The following NFIB variants were observed in gnomAD, a reference collection of about 807,000 sequenced individuals.
NFIB encodes nuclear factor I B, also known as nuclear factor 1 B-type.
Under a neutral mutation model 61.5 loss-of-function variants are expected in NFIB, and 11 were observed. The ratio of observed to expected loss-of-function variants is 0.18; its 90% CI spans 0.11 to 0.30. NFIB has a LOEUF of 0.30. Ranked by LOEUF, NFIB falls within the 10% of genes least tolerant of loss-of-function variation. The pLI is 1.00. For missense variants in NFIB, 471 were observed against 608.9 expected (o/e 0.77, Z 2.38); for synonymous variants, 260 against 216.5 (o/e 1.20, Z -1.76).
chr9:14,329,407 C>A (rs2060794268), intron 1 of NFIB, among the ~76,000 whole-genome samples: 1 of 152,162 alleles, frequency 6.6e-6, no homozygotes, highest in Non-Finnish European at 1.5e-5. Context: ...CACTCATCAC[C>A]TTTTATGCTC....
chr9:14,500,514 C>G, the NFIB span, among the ~76,000 whole-genome samples: 4 of 152,124 alleles, frequency 2.6e-5, no homozygotes, highest in African/African-American at 9.7e-5. Context: ...TGGATCAGTT[C>G]CCTCTTTTAC....
rs1372638181 is a variant in NFIB, at chr9:14,087,585, T to C, written c.*724A>G. The C allele has an allele frequency of 4.4e-6, 1 of 226,814 alleles. No homozygotes were observed. The highest frequency in any genetic ancestry group is 6.3e-5 in the East Asian group (1 of 15,752). 14.1% of individuals were successfully genotyped at this position (226,814 alleles called of 1,614,324 possible). A position where few individuals can be genotyped will look rare whatever the true frequency, so the allele number is the denominator to read the frequency against. On this transcript the variant is annotated 3_prime_UTR_variant, in exon 11 of 11. Transcript: ENST00000380953. ...TTTCCTTTTTTCTTTTTTTCCTTTTTTTTTCATTTTTTCTTTTTTTAAGAT... is the reference window on the plus strand; with the variant it reads ...TTTCCTTTTTTCTTTTTTTCCTTTTCTTTTCATTTTTTCTTTTTTTAAGAT...
Position 14,172,930 on chromosome 9 carries a change from C to T in NFIB, c.616+6797G>A, listed in dbSNP as rs186849880. On this transcript the variant is annotated intron_variant, in intron 3 of 10. Coordinates refer to ENST00000380953, the MANE Select transcript of NFIB (RefSeq NM_001190737.2). ...GACTACAGGCAAGTGCCACCACACC[C>T]GGCTAATTTTTGTATTTTTAGTAGA... Among the ~76,000 whole-genome samples the T allele has an allele frequency of 2.1e-3, 326 of 152,184 alleles. 4 individuals carry two copies. Among genetic ancestry groups the T allele is most frequent in the African/African-American group, 7.5e-3 (311 of 41,522 alleles).
At chr9:14,417,492 A>C in the NFIB span, among the ~76,000 whole-genome samples, 2 of 152,218 alleles carry the variant, frequency 1.3e-5, no homozygotes. Context: ...TTAAAAAATA[A>C]ACTGGACACC....
At chr9:14,524,349 C>T in the NFIB span, among the ~76,000 whole-genome samples, 1 of 152,084 alleles carries the variant, frequency 6.6e-6, no homozygotes, top group Non-Finnish European at 1.5e-5. Flanking sequence ...CAAACAGTTG[C>T]TGGTAATATT....
intron 1 of NFIB, among the ~76,000 whole-genome samples, chr9:14,372,621 A>G (rs2061370727): frequency 6.6e-6 from 1 of 152,088 alleles, no homozygotes; most frequent in African/African-American, 2.4e-5. Context: ...ACACTGACCC[A>G]TCTTGGCTCA....
chr9:14,295,734 C>T (rs1431201247), intron 2 of NFIB, among the ~76,000 whole-genome samples: 2 of 151,902 alleles, frequency 1.3e-5, no homozygotes, highest in Non-Finnish European at 2.9e-5. Flanking sequence ...TGTAGTTCTC[C>T]CAAATGGTGG....
chr9:14,119,372 C>G (rs956871914), intron 8 of NFIB, among the ~76,000 whole-genome samples: 1 of 152,142 alleles, frequency 6.6e-6, no homozygotes, highest in African/African-American at 2.4e-5. Flanking sequence ...ATATCTCAGT[C>G]AGTCAAACTA....
At chr9:14,138,400 T>C (rs1006038592) in intron 6 of NFIB, among the ~76,000 whole-genome samples, 1 of 151,996 alleles carries the variant, frequency 6.6e-6, no homozygotes, top group Non-Finnish European at 1.5e-5. Context: ...AAGGTGAAAA[T>C]ACAAATATAA....
At chr9:14,399,573 A>T (rs1346507226), upstream of NFIB, among the ~76,000 whole-genome samples, 2 of 152,208 alleles carry the variant, frequency 1.3e-5, no homozygotes, top group East Asian at 3.9e-4. Flanking sequence ...AACGTTGCAA[A>T]GAATTATAAA....
chr9:14,510,187 TG>T, the NFIB span, among the ~76,000 whole-genome samples: 3 of 152,340 alleles, frequency 2.0e-5, no homozygotes, highest in African/African-American at 7.2e-5. Flanking sequence ...TGAGCCACCG[TG>T]CCCGGCCTTG....
At chr9:14,239,141 A>C (rs2054101301) in intron 2 of NFIB, among the ~76,000 whole-genome samples, 1 of 152,246 alleles carries the variant, frequency 6.6e-6, no homozygotes, top group African/African-American at 2.4e-5. Flanking sequence ...CCTAAAGAAC[A>C]AATTGATTCT....
At chr9:14,338,717 CTTCTT>C (rs1258261549) in intron 1 of NFIB, among the ~76,000 whole-genome samples, 2 of 151,952 alleles carry the variant, frequency 1.3e-5, no homozygotes, top group African/African-American at 4.8e-5. Flanking sequence ...CTCTTCTTTT[CTTCTT>C]TTCTTCCTTC....
Position 14,128,688 on chromosome 9 carries a change from T to A in NFIB, c.926-2922A>T, listed in dbSNP as rs1335795220. Among the ~76,000 whole-genome samples, 3 of 133,452 alleles carry A rather than the reference T, an allele frequency of 2.2e-5. No individual in the cohort carries two copies. In the Admixed American group the frequency reaches 2.3e-4, roughly 10 times the overall value. 87.5% of individuals were successfully genotyped at this position (133,452 alleles called of 152,430 possible). Reference sequence around the variant, plus strand: ...ACTCCAGCCGCGACAAGAACAAAACTCTGTCTCAAAAAAAAAAAAAAAAAA... The same window carrying A: ...ACTCCAGCCGCGACAAGAACAAAACACTGTCTCAAAAAAAAAAAAAAAAAA... On this transcript the variant is annotated intron_variant, in intron 6 of 10. Coordinates refer to ENST00000380953, the MANE Select transcript of NFIB (RefSeq NM_001190737.2).
intron 10 of NFIB, among the ~76,000 whole-genome samples, chr9:14,103,924 CTT>C (rs539799484): frequency 2.8e-5 from 4 of 144,592 alleles, no homozygotes; most frequent in African/African-American, 2.5e-5. Flanking sequence ...AATAAATATT[CTT>C]TTTTTTTTTT....
intron 9 of NFIB, among the ~76,000 whole-genome samples, chr9:14,115,031 T>C (rs1468072112): frequency 6.6e-6 from 1 of 152,176 alleles, no homozygotes; most frequent in Admixed American, 6.5e-5. Context: ...ATTCTAAGCA[T>C]TAAGAATTAC....
At chr9:14,285,062 T>C (rs1399975558) in intron 2 of NFIB, among the ~76,000 whole-genome samples, 2 of 152,224 alleles carry the variant, frequency 1.3e-5, no homozygotes, top group African/African-American at 4.8e-5. Context: ...AGATTTTGTA[T>C]ATCAAAATTA....
rs2061319853 is a variant in NFIB, at chr9:14,367,925, T to C, written c.108+30599A>G. On this transcript the variant is annotated intron_variant, in intron 1 of 8. Coordinates refer to the NFIB transcript ENST00000380934. The stretch of plus-strand genomic sequence containing the variant: ...GGATAGCATTAGGAGAAATACCTAA[T>C]GTAGATGACAGGTTGATGGGTGCAG... Among the ~76,000 whole-genome samples, 3 of 152,076 alleles carry C rather than the reference T, an allele frequency of 2.0e-5. No homozygotes were observed. The South Asian group carries it at 6.2e-4, about 32-fold the overall frequency.
rs529131604 is a variant in NFIB at position 14,375,183 on chromosome 9, G to C, written c.108+23341C>G. Among the ~76,000 whole-genome samples, 8 of 152,300 alleles carry C rather than the reference G, an allele frequency of 5.3e-5. No individual in the cohort carries two copies. In the South Asian group the frequency reaches 1.5e-3, roughly 28 times the overall value. On this transcript the variant is annotated intron_variant, in intron 1 of 8. Transcript: ENST00000380934. ...CCTCTGGATGCACAGGGCTCATATA[G>C]TGGTTCCTCAGAGTCATCAGAGCCC...
Sources: gnomAD v4.1 joint callset for allele counts (sites outside exome capture counted in the v4.1 genomes callset) on GRCh38, gnomAD v4.1.1 for gene constraint, MANE v1.5 for transcripts, NCBI Gene and HGNC (gene_info 2026-07-23, HGNC 2026-07-21) for gene names.